Variants in ANKRD46 observed in about 807,000 individuals in gnomAD.
ANKRD46 encodes the protein ankyrin repeat domain 46, also known as ankyrin repeat domain-containing protein 46.
Under a neutral mutation model 19.8 loss-of-function variants are expected in ANKRD46, and 13 were observed. The ratio of observed to expected loss-of-function variants is 0.66; its 90% CI spans 0.43 to 1.04. The LOEUF (loss-of-function observed/expected upper bound fraction) is 1.04. ANKRD46 is among the 50% of genes least tolerant of loss of function. ANKRD46 has a pLI of 0.00. For missense variants in ANKRD46, 185 were observed against 274.8 expected, an observed-to-expected ratio of 0.67 and a Z score of 2.31; for synonymous variants, 91 against 106.9, an observed-to-expected ratio of 0.85 and a Z score of 0.92.
chr8:100,535,648 T>A (rs1047125124), intron 1 of ANKRD46, among the ~76,000 whole-genome samples: 1 of 152,222 alleles, frequency 6.6e-6, no homozygotes, highest in Admixed American at 6.5e-5. Context: ...AATGGAGCCA[T>A]ACAGCACATA....
At chr8:100,520,741 T>TAAAAAAAAAAA (rs5893523), downstream of ANKRD46, 49 of 677,836 alleles carry the variant, frequency 7.2e-5, no homozygotes, top group East Asian at 4.7e-4. Flanking sequence ...TATAATACAC[T>TAAAAAAAAAAA]AAAAAAAAAA....
chr8:100,518,293 AAC>A (rs1405017055), downstream of ANKRD46, among the ~76,000 whole-genome samples: 5 of 152,244 alleles, frequency 3.3e-5, no homozygotes, highest in African/African-American at 9.6e-5. Flanking sequence ...ATGTAATAGA[AAC>A]ACAAAATAAA....
intron 1 of ANKRD46, among the ~76,000 whole-genome samples, chr8:100,556,399 A>G (rs1300503134): frequency 2.0e-5 from 3 of 152,208 alleles, no homozygotes; most frequent in Non-Finnish European, 2.9e-5. Context: ...TTAAGTATAC[A>G]TTATTATTAT....
At chr8:100,551,608 G>T in intron 1 of ANKRD46, 2 of 739,682 alleles carry the variant, frequency 2.7e-6, no homozygotes, top group South Asian at 1.3e-5. Flanking sequence ...TCAATGAAGG[G>T]TCATTGATGG....
downstream of ANKRD46, among the ~76,000 whole-genome samples, chr8:100,517,013 T>C (rs1255252089): frequency 1.3e-5 from 2 of 152,212 alleles, no homozygotes; most frequent in African/African-American, 4.8e-5. Context: ...CCGTGTTACC[T>C]TGGGCATGCT....
chr8:100,524,582 A>T lies in ANKRD46; in HGVS notation c.471-1811T>A, dbSNP rs2555205. Among the ~76,000 whole-genome samples, 56,307 of 151,778 alleles carry T rather than the reference A, an allele frequency of 0.37. 10,630 individuals carry two copies. Among genetic ancestry groups the T allele is most frequent in the Middle Eastern group, 0.43 (125 of 294 alleles). ...TTTCAGTGGGAATCTACAACACCACAGTAATTTTGGAACACTTGACAGCAA... is the reference window on the plus strand; with the variant it reads ...TTTCAGTGGGAATCTACAACACCACTGTAATTTTGGAACACTTGACAGCAA... On this transcript the variant is annotated intron_variant, in intron 4 of 4. Coordinates refer to ENST00000335659, the MANE Select transcript of ANKRD46 (RefSeq NM_001270377.2). This position sits in a 1 kb window ranked among gnomAD's most constrained non-coding sequence, Gnocchi z 4.3.
intron 1 of ANKRD46, among the ~76,000 whole-genome samples, chr8:100,548,182 C>T (rs1812311251): frequency 6.6e-6 from 1 of 152,024 alleles, no homozygotes; most frequent in African/African-American, 2.4e-5. Context: ...TCAATGGCAG[C>T]CCAATGTATT....
In ANKRD46 at chr8:100,520,892, A is replaced by C; in HGVS notation, c.*1663T>G. 3 of 984,698 alleles carry C rather than the reference A, an allele frequency of 3.0e-6. No individual in the cohort carries two copies. The highest frequency in any genetic ancestry group is 3.6e-6 in the Non-Finnish European group (3 of 829,280). 61.0% of individuals were successfully genotyped at this position (984,698 alleles called of 1,614,324 possible). ...ATCTTTAAAAATGCTATATACTTAC[A>C]TTTTGACCAATTTTGCATATTTGTT... On this transcript the variant is annotated 3_prime_UTR_variant, in exon 5 of 5. Coordinates refer to ENST00000335659, the MANE Select transcript of ANKRD46 (RefSeq NM_001270377.2).
Position 100,511,315 on chromosome 8 carries a change from A to G in ANKRD46, c.637-676T>C, listed in dbSNP as rs149778866. Reference sequence around the variant, plus strand: ...CCAAACCCAGGTCTGCCTGAGTGCGAGACCCCTGTGCTCACCACCACACTC... The same window carrying G: ...CCAAACCCAGGTCTGCCTGAGTGCGGGACCCCTGTGCTCACCACCACACTC... On this transcript the variant is annotated intron_variant, in intron 5 of 5. Transcript: ENST00000520552. The surrounding 1 kb of genome is among the most constrained non-coding windows in gnomAD (Gnocchi z 4.1). 7.9e-5 allele frequency among the ~76,000 whole-genome samples: 12 copies of G among 152,300 alleles called. No individual in the cohort carries two copies. In the East Asian group the frequency reaches 2.3e-3, roughly 29 times the overall value.
At position 100,511,969 on chromosome 8, in the gene ANKRD46, GAGCCGAGATTGTGCCACTGCACTTC is replaced by G. The variant is rs1383333109; in HGVS notation, c.637-1355_637-1331del. Among the ~76,000 whole-genome samples, 1 of 152,228 alleles carries G rather than the reference GAGCCGAGATTGTGCCACTGCACTTC, an allele frequency of 6.6e-6. No homozygotes were observed. Among genetic ancestry groups the G allele is most frequent in the Non-Finnish European group, 1.5e-5 (1 of 68,048 alleles). On this transcript the variant is annotated intron_variant, in intron 5 of 5. Coordinates refer to the ANKRD46 transcript ENST00000520552. This position sits in a 1 kb window ranked among gnomAD's most constrained non-coding sequence, Gnocchi z 4.1. ...GAACCCAGGTGGCGGAGGCTGCGGT[GAGCCGAGATTGTGCCACTGCACTTC>G]AGCCTGGGTGACACAGTGAGACTCC...
chr8:100,529,793 A>C lies in ANKRD46; in HGVS notation c.41T>G (p.Val14Gly). The change falls in exon 3 of 5, where the codon GTG (valine) becomes GGG (glycine). Residue 14 changes from valine (V) to glycine (G), a missense_variant. Coordinates refer to ENST00000335659, the MANE Select transcript of ANKRD46 (RefSeq NM_001270377.2). This position sits in a 1 kb window ranked among gnomAD's most constrained non-coding sequence, Gnocchi z 5.8. Reference sequence around the variant, plus strand: ...ATCAATACAGGCTTGCAGCAAGGGCACGTTAGTCTGAGAAGAATCATTTAC... The same window carrying C: ...ATCAATACAGGCTTGCAGCAAGGGCCCGTTAGTCTGAGAAGAATCATTTAC... Reference protein sequence around the residue: ...VFVNDSSQTNVPLLQACIDGD... With the variant: ...VFVNDSSQTNGPLLQACIDGD... 6.2e-7 allele frequency: 1 copy of C among 1,614,268 alleles called. No homozygotes were observed. The highest frequency in any genetic ancestry group is 1.3e-5 in the African/African-American group (1 of 75,074).
At chr8:100,531,712 T>C (rs1167328910) in intron 2 of ANKRD46, among the ~76,000 whole-genome samples, 1 of 152,144 alleles carries the variant, frequency 6.6e-6, no homozygotes, top group Non-Finnish European at 1.5e-5. Context: ...GGTACAATCA[T>C]GGCTCACTGC....
chr8:100,551,839 C>T (rs62515845), intron 1 of ANKRD46: 29,205 of 367,358 alleles, frequency 0.08, 1,493 homozygotes, highest in African/African-American at 0.16. Context: ...TAACAGTCTT[C>T]ATCATATATG....
intron 3 of ANKRD46, 98 bp from the exon 4 acceptor site, chr8:100,528,101 A>G (rs1811880233): frequency 7.8e-7 from 1 of 1,280,062 alleles, no homozygotes; most frequent in East Asian, 2.7e-5. Flanking sequence ...CCACTTATAT[A>G]GATCTCAGTG....
Position 100,543,155 on chromosome 8 carries a change from G to C in ANKRD46, c.-130-9844C>G, listed in dbSNP as rs1563489213. The stretch of plus-strand genomic sequence containing the variant: ...TGGGAAAGAATTGTCAAAGACTATG[G>C]ATCTTAAGTTTTAATAGCTACATAG... On this transcript the variant is annotated intron_variant, in intron 1 of 4. Transcript: ENST00000335659. The surrounding 1 kb of genome is among the most constrained non-coding windows in gnomAD (Gnocchi z 4.2). Among the ~76,000 whole-genome samples, 2 of 152,130 alleles carry C rather than the reference G, an allele frequency of 1.3e-5. No individual in the cohort carries two copies. The highest frequency in any genetic ancestry group is 4.8e-5 in the African/African-American group (2 of 41,428).
chr8:100,530,638 CT>C (rs1472424656), intron 2 of ANKRD46, among the ~76,000 whole-genome samples: 1 of 152,086 alleles, frequency 6.6e-6, no homozygotes, highest in Non-Finnish European at 1.5e-5. Flanking sequence ...CTGCCTTGGC[CT>C]TGCAAAAAGT....
intron 1 of ANKRD46, among the ~76,000 whole-genome samples, chr8:100,553,345 T>G (rs530279093): frequency 6.6e-6 from 1 of 152,358 alleles, no homozygotes; most frequent in South Asian, 2.1e-4. Flanking sequence ...GCAGCAATGC[T>G]GGGCTACTGG....
Position 100,510,546 on chromosome 8 carries a change from G to A in ANKRD46, c.*31C>T. 6.6e-7 allele frequency: 1 copy of A among 1,525,904 alleles called. No homozygotes were observed. 94.5% of individuals were successfully genotyped at this position (1,525,904 alleles called of 1,614,324 possible). A position where few individuals can be genotyped will look rare whatever the true frequency, so the allele number is the denominator to read the frequency against. ...GTATCCCTTCTTTCTTGCCTTCTGA[G>A]GCTCAGGAGCACAGGACACTGACCT... is the stretch of plus-strand genomic sequence containing the variant. On this transcript the variant is annotated 3_prime_UTR_variant, in exon 6 of 6. Transcript: ENST00000520552. The surrounding 1 kb of genome is among the most constrained non-coding windows in gnomAD (Gnocchi z 4.9).
Position 100,550,918 on chromosome 8 carries a change from GC to G in ANKRD46, c.-131+8792del. On this transcript the variant is annotated intron_variant, in intron 1 of 4. Coordinates refer to ENST00000335659, the MANE Select transcript of ANKRD46 (RefSeq NM_001270377.2). The surrounding 1 kb of genome is among the most constrained non-coding windows in gnomAD (Gnocchi z 4.4). ...GTGTAGCCCAAGATGCCCTTGAGGG[GC>G]CCTCTGACGCCTGCTTCACCACCTT... The G allele has an allele frequency of 3.4e-6, 2 of 594,496 alleles. No individual in the cohort carries two copies. The highest frequency in any genetic ancestry group is 1.9e-5 in the African/African-American group (1 of 53,886). The allele number at this position is 594,496 out of a possible 1,614,324, so 36.8% of individuals were successfully genotyped here.
Sources: allele counts gnomAD v4.1 joint callset (sites outside exome capture counted in the v4.1 genomes callset), GRCh38; gene constraint gnomAD v4.1.1; non-coding constraint Gnocchi (gnomAD v3.1); transcripts MANE v1.5; gene names NCBI Gene and HGNC (gene_info 2026-07-23, HGNC 2026-07-21).